Variants in MEGF11 observed in about 807,000 individuals in gnomAD.
The protein encoded by MEGF11 is multiple EGF like domains 11.
A neutral mutation model predicts 146.6 loss-of-function variants in MEGF11; 126 were observed. That is an observed-to-expected ratio of 0.86 (90% CI 0.74 to 1.00). MEGF11 has a LOEUF of 1.00. MEGF11 is among the 50% of genes least tolerant of loss of function. MEGF11 has a pLI of 0.00. For missense variants in MEGF11, 1,509 were observed against 1,521.2 expected (o/e 0.99, Z 0.13); for synonymous variants, 532 against 583.4 (o/e 0.91, Z 1.27).
chr15:66,027,231 G>A (rs2083363926), intron 5 of MEGF11, among the ~76,000 whole-genome samples: 1 of 152,226 alleles, frequency 6.6e-6, no homozygotes, highest in African/African-American at 2.4e-5. Context: ...AGACTCAGAA[G>A]ACACAGGTTC....
intron 5 of MEGF11, among the ~76,000 whole-genome samples, chr15:66,063,172 A>G (rs1016763839): frequency 1.3e-5 from 2 of 152,220 alleles, no homozygotes; most frequent in Non-Finnish European, 2.9e-5. Context: ...ATGGCTTTGC[A>G]CCTAGACAAA....
chr15:66,246,399 A>C (rs1364735065), intron 1 of MEGF11, among the ~76,000 whole-genome samples: 2 of 152,312 alleles, frequency 1.3e-5, no homozygotes, highest in Non-Finnish European at 2.9e-5. Flanking sequence ...CAGCAACAAA[A>C]GTGAAGAAAC....
chr15:66,049,096 GC>G (rs1216269059), intron 5 of MEGF11, among the ~76,000 whole-genome samples: 2 of 152,136 alleles, frequency 1.3e-5, no homozygotes, highest in African/African-American at 4.8e-5. Context: ...GCATCCCTCA[GC>G]CCCGCAAAGT....
chr15:65,928,410 G>T lies in MEGF11; in HGVS notation c.1675+15C>A. On this transcript the variant is annotated intron_variant, in intron 13 of 25. Coordinates refer to ENST00000395614, the MANE Select transcript of MEGF11 (RefSeq NM_001385028.1). Reference sequence around the variant, plus strand: ...TTCACAGTACCTGGGTGGTGGCACAGCAAGGGAAGGTTACCTGTCCATCCG... The same window carrying T: ...TTCACAGTACCTGGGTGGTGGCACATCAAGGGAAGGTTACCTGTCCATCCG... The T allele has an allele frequency of 6.4e-7, 1 of 1,565,746 alleles. No homozygotes were observed. Among genetic ancestry groups the T allele is most frequent in the Non-Finnish European group, 8.7e-7 (1 of 1,148,740 alleles).
intron 5 of MEGF11, among the ~76,000 whole-genome samples, chr15:65,990,828 C>T (rs1475964181): frequency 1.3e-5 from 2 of 152,156 alleles, no homozygotes; most frequent in Non-Finnish European, 2.9e-5. Flanking sequence ...TGCCAAATGT[C>T]CCCACTTGAG....
intron 5 of MEGF11, among the ~76,000 whole-genome samples, chr15:66,048,465 G>A (rs993343717): frequency 2.0e-5 from 3 of 152,264 alleles, no homozygotes; most frequent in African/African-American, 7.2e-5. Flanking sequence ...TCTCTCTGCA[G>A]CCCAGGGGCT....
intron 1 of MEGF11, among the ~76,000 whole-genome samples, chr15:66,180,372 C>T (rs563128764): frequency 5.9e-5 from 9 of 152,300 alleles, no homozygotes; most frequent in Admixed American, 2.0e-4. Context: ...AGACCCTCCA[C>T]GTCCCTTCTC....
intron 2 of MEGF11, 127 bp from the exon 3 acceptor site, chr15:66,124,127 T>A: frequency 1.4e-6 from 1 of 710,236 alleles, no homozygotes. Context: ...GGCTCTGACC[T>A]CCCCCCTCCC....
intron 1 of MEGF11, among the ~76,000 whole-genome samples, chr15:66,238,090 G>A (rs551295840): frequency 2.0e-5 from 3 of 152,242 alleles, no homozygotes; most frequent in Non-Finnish European, 4.4e-5. Context: ...AATAGTATCC[G>A]AATTGCTGGA....
chr15:66,022,983 T>C (rs2083206048), intron 5 of MEGF11, among the ~76,000 whole-genome samples: 1 of 151,754 alleles, frequency 6.6e-6, no homozygotes, highest in African/African-American at 2.4e-5. Flanking sequence ...TGAAACCCCA[T>C]CTCTACTAAA....
At chr15:66,002,876 G>T (rs2082406278) in intron 5 of MEGF11, among the ~76,000 whole-genome samples, 1 of 152,164 alleles carries the variant, frequency 6.6e-6, no homozygotes, top group African/African-American at 2.4e-5. Flanking sequence ...CCTTTTTGGG[G>T]TGAAGAAGCA....
At chr15:66,046,598 C>T (rs1284359244) in intron 5 of MEGF11, among the ~76,000 whole-genome samples, 1 of 152,194 alleles carries the variant, frequency 6.6e-6, no homozygotes, top group Non-Finnish European at 1.5e-5. Flanking sequence ...CTCACGCAGG[C>T]TTAGGCTGAG....
chr15:66,136,745 G>A (rs2088904523), intron 1 of MEGF11, among the ~76,000 whole-genome samples: 1 of 152,152 alleles, frequency 6.6e-6, no homozygotes, highest in Admixed American at 6.5e-5. Flanking sequence ...AGAAATATTT[G>A]AGCCAGGCAC....
intron 4 of MEGF11, among the ~76,000 whole-genome samples, chr15:66,116,717 A>G (rs1488007892): frequency 6.6e-6 from 1 of 152,174 alleles, no homozygotes; most frequent in Non-Finnish European, 1.5e-5. Flanking sequence ...GACAGTGTCC[A>G]TGGGCCTCTT....
At chr15:66,132,427 C>T (rs1402055727) in intron 1 of MEGF11, among the ~76,000 whole-genome samples, 1 of 152,238 alleles carries the variant, frequency 6.6e-6, no homozygotes, top group Non-Finnish European at 1.5e-5. Context: ...GTGCCTAAAT[C>T]TTGGACGCTG....
intron 1 of MEGF11, among the ~76,000 whole-genome samples, chr15:66,195,275 T>A (rs1478624440): frequency 1.3e-5 from 2 of 152,070 alleles, no homozygotes; most frequent in African/African-American, 2.4e-5. Context: ...CATTCTGAGG[T>A]ATTGGGGATT....
intron 4 of MEGF11, among the ~76,000 whole-genome samples, chr15:66,116,069 G>A (rs4776733): frequency 0.27 from 41,326 of 152,052 alleles, 5,874 homozygotes; most frequent in East Asian, 0.44. Flanking sequence ...TGCCCTCTGG[G>A]GTCTGGCCAG....
Position 66,053,714 on chromosome 15 carries a change from A to ATTTTTTTTTTTTTTTTTTTTTTTTTTTTT in MEGF11, c.394+40687_394+40688insAAAAAAAAAAAAAAAAAAAAAAAAAAAAA, listed in dbSNP as rs2084549697. Among the ~76,000 whole-genome samples, 7 of 42,268 alleles carry ATTTTTTTTTTTTTTTTTTTTTTTTTTTTT rather than the reference A, an allele frequency of 1.7e-4. 3 individuals are homozygous for ATTTTTTTTTTTTTTTTTTTTTTTTTTTTT. The highest frequency in any genetic ancestry group is 8.5e-4 in the Admixed American group (2 of 2,340). The allele number at this position is 42,268 out of a possible 152,430, so 27.7% of individuals were successfully genotyped here. On this transcript the variant is annotated intron_variant, in intron 5 of 25. Transcript: ENST00000395614. ...ACTCAGCTCCCCCTCCCCTGGCACC[A>ATTTTTTTTTTTTTTTTTTTTTTTTTTTTT]ATTTTTTTTTTTTTTTTTTTTTTTT...
chr15:65,968,652 G>A (rs1215695876), intron 8 of MEGF11, among the ~76,000 whole-genome samples: 1 of 151,896 alleles, frequency 6.6e-6, no homozygotes, highest in Admixed American at 6.6e-5. Flanking sequence ...CACAAAGCAT[G>A]CTAATAATGG....
Sources: gnomAD v4.1 joint callset for allele counts (sites outside exome capture counted in the v4.1 genomes callset) on GRCh38, gnomAD v4.1.1 for gene constraint, MANE v1.5 for transcripts, NCBI Gene and HGNC (gene_info 2026-07-23, HGNC 2026-07-21) for gene names.